Variants in ZNF138 observed in about 807,000 individuals in gnomAD.
ZNF138 encodes the protein zinc finger protein 138 (clone pHZ-32).
A neutral mutation model predicts 33.0 loss-of-function variants in ZNF138; 33 were observed. The observed-to-expected ratio is 1.00, with a 90% confidence interval of 0.76 to 1.34. ZNF138 has a LOEUF of 1.34. ZNF138 is among the 40% of genes most tolerant of loss of function. The probability of loss-of-function intolerance (pLI) is 0.00; values close to 1 mark genes in which losing one functional copy is unlikely to be tolerated. For synonymous variants in ZNF138, 139 were observed against 120.4 expected, an observed-to-expected ratio of 1.15 and a Z score of -1.01; for missense variants, 360 against 370.8, an observed-to-expected ratio of 0.97 and a Z score of 0.24.
At chr7:64,810,455 G>GGGAGAGGGGGA (rs1460903163) in intron 1 of ZNF138, among the ~76,000 whole-genome samples, 1 of 142,832 alleles carries the variant, frequency 7.0e-6, no homozygotes, top group Non-Finnish European at 1.6e-5. Flanking sequence ...GAGAGGGAGA[G>GGGAGAGGGGGA]GGGGAGGGGG....
In ZNF138 at chr7:64,818,566, A is replaced by G. The variant is rs1434201699; in HGVS notation, c.208+2913A>G. Among the ~76,000 whole-genome samples the G allele has an allele frequency of 2.0e-5, 3 of 152,048 alleles. No homozygotes were observed. In the East Asian group the frequency reaches 5.8e-4, roughly 30 times the overall value. ...GGAGTTCGAGACCAGCCTGGCCAAC[A>G]TGGTGAAACACTGTCTGTACTAAAA... On this transcript the variant is annotated intron_variant, in intron 3 of 3. Transcript: ENST00000307355.
chr7:64,853,139 G>C, the ZNF138 span: 7 of 1,470,284 alleles, frequency 4.8e-6, no homozygotes, highest in Middle Eastern at 1.7e-4. Flanking sequence ...GTGTCTCAAA[G>C]GAATGACAAG....
the ZNF138 span, among the ~76,000 whole-genome samples, chr7:64,841,154 T>G: frequency 6.6e-6 from 1 of 152,142 alleles, no homozygotes; most frequent in Non-Finnish European, 1.5e-5. Context: ...GAGGTATTCA[T>G]TACGTGAGCT....
intron 1 of ZNF138, among the ~76,000 whole-genome samples, chr7:64,805,720 G>A (rs765665015): frequency 6.6e-6 from 1 of 152,218 alleles, no homozygotes; most frequent in Non-Finnish European, 1.5e-5. Context: ...TAGCCATAAA[G>A]ATAGCACCCT....
At chr7:64,826,220 G>A (rs1015989578) in intron 3 of ZNF138, among the ~76,000 whole-genome samples, 11 of 151,754 alleles carry the variant, frequency 7.2e-5, no homozygotes, top group African/African-American at 2.7e-4. Context: ...TTTTTTTTCT[G>A]TTTTACTGCC....
the ZNF138 span, among the ~76,000 whole-genome samples, chr7:64,853,811 A>T: frequency 0.43 from 64,530 of 151,416 alleles, 14,177 homozygotes; most frequent in Middle Eastern, 0.49. Flanking sequence ...CATAGGTGTT[A>T]TTATCCTCAG....
chr7:64,828,073 G>A (rs533158475), intron 3 of ZNF138, among the ~76,000 whole-genome samples: 30 of 151,862 alleles, frequency 2.0e-4, no homozygotes, highest in Non-Finnish European at 3.5e-4. Flanking sequence ...TAGGTAAAAA[G>A]TCAAAAAAAT....
intron 3 of ZNF138, among the ~76,000 whole-genome samples, chr7:64,819,247 G>A (rs1026582206): frequency 2.0e-5 from 3 of 151,636 alleles, no homozygotes; most frequent in Non-Finnish European, 4.4e-5. Flanking sequence ...TTCAATGGTC[G>A]TTTTATTTTG....
intron 1 of ZNF138, among the ~76,000 whole-genome samples, chr7:64,803,272 T>G (rs549249266): frequency 1.3e-5 from 2 of 151,454 alleles, no homozygotes; most frequent in African/African-American, 4.8e-5. Flanking sequence ...TTTTTTTTTT[T>G]TTTTCATTTA....
intron 2 of ZNF138, 42 bp downstream of exon 2, chr7:64,815,086 G>A: frequency 6.8e-7 from 1 of 1,472,502 alleles, no homozygotes; most frequent in Non-Finnish European, 9.0e-7. Flanking sequence ...ATATCCTAAA[G>A]GTTTCATTTT....
chr7:64,815,509 T>A, intron 2 of ZNF138, 67 bp from the exon 3 acceptor site: 1 of 1,437,826 alleles, frequency 7.0e-7, no homozygotes, highest in Non-Finnish European at 9.6e-7. Context: ...GGTTGGTAAT[T>A]GGAGAATATG....
the ZNF138 span, among the ~76,000 whole-genome samples, chr7:64,846,120 C>T: frequency 6.6e-6 from 1 of 152,134 alleles, no homozygotes; most frequent in Non-Finnish European, 1.5e-5. Context: ...CGTTGGCCTA[C>T]GTGCCTGTTT....
the ZNF138 span, among the ~76,000 whole-genome samples, chr7:64,854,316 C>G: frequency 6.6e-6 from 1 of 152,180 alleles, no homozygotes; most frequent in Non-Finnish European, 1.5e-5. Context: ...TCTCAGCTCA[C>G]TGCAACCTCC....
At chr7:64,839,375 G>A in the ZNF138 span, among the ~76,000 whole-genome samples, 1 of 152,198 alleles carries the variant, frequency 6.6e-6, no homozygotes, top group African/African-American at 2.4e-5. Flanking sequence ...AGCCGTCTGA[G>A]GGACAGCAGA....
chr7:64,814,085 C>CTGGA (rs1178311260), intron 1 of ZNF138: 1 of 1,229,606 alleles, frequency 8.1e-7, no homozygotes, highest in Non-Finnish European at 1.0e-6. Flanking sequence ...AAATCACAGG[C>CTGGA]TCTTCCACTT....
the ZNF138 span, among the ~76,000 whole-genome samples, chr7:64,854,492 C>T: frequency 6.6e-6 from 1 of 152,222 alleles, no homozygotes; most frequent in Non-Finnish European, 1.5e-5. Context: ...CGGCCCACCT[C>T]GGCCTCCAAA....
chr7:64,808,804 T>G lies in ZNF138; in HGVS notation c.4-6114T>G, dbSNP rs1234623843. On this transcript the variant is annotated intron_variant, in intron 1 of 3. Transcript: ENST00000307355. ...GGAGTGGTGATGACTCTTAGCTGCC[T>G]TCAAGCATCTGTTTAACAAAGCACA... Among the ~76,000 whole-genome samples the G allele has an allele frequency of 1.6e-5, 2 of 122,924 alleles. 1 individual carries two copies. Among genetic ancestry groups the G allele is most frequent in the Non-Finnish European group, 3.8e-5 (2 of 52,594 alleles). The allele number at this position is 122,924 out of a possible 152,430, so 80.6% of individuals were successfully genotyped here.
chr7:64,829,706 T>C (rs953729605), intron 3 of ZNF138, among the ~76,000 whole-genome samples: 12 of 151,388 alleles, frequency 7.9e-5, no homozygotes, highest in Non-Finnish European at 1.5e-4. Context: ...TTTTTATGCT[T>C]TTATCTTTCA....
At chr7:64,817,755 C>T (rs915543401) in intron 3 of ZNF138, among the ~76,000 whole-genome samples, 5 of 151,878 alleles carry the variant, frequency 3.3e-5, no homozygotes, top group East Asian at 3.9e-4. Context: ...TCTTCATATA[C>T]GTTTTTATTT....
Sources: allele counts gnomAD v4.1 joint callset (sites outside exome capture counted in the v4.1 genomes callset), GRCh38; gene constraint gnomAD v4.1.1; transcripts MANE v1.5; gene names NCBI Gene and HGNC (gene_info 2026-07-23, HGNC 2026-07-21).